Variants in SRGAP3 observed in about 807,000 individuals in gnomAD.
The protein encoded by SRGAP3 is SLIT-ROBO Rho GTPase-activating protein 3.
A neutral mutation model predicts 121.1 loss-of-function variants in SRGAP3; 39 were observed. That is an observed-to-expected ratio of 0.32 (90% CI 0.25 to 0.42). SRGAP3 has a LOEUF of 0.42. SRGAP3 is among the 10% of genes least tolerant of loss of function. The probability of loss-of-function intolerance (pLI) is 1.00; values close to 1 mark genes in which losing one functional copy is unlikely to be tolerated. For missense variants in SRGAP3, 1,213 were observed against 1,470.6 expected (o/e 0.82, Z 2.86); for synonymous variants, 601 against 570.0 (o/e 1.05, Z -0.77).
intron 3 of SRGAP3, among the ~76,000 whole-genome samples, chr3:9,276,768 G>C (rs546511752): frequency 4.6e-5 from 7 of 152,214 alleles, no homozygotes; most frequent in Non-Finnish European, 8.8e-5. Context: ...TTCCAGCCCT[G>C]CTCTAATCTG....
rs1421640794 is a variant in SRGAP3 at position 9,060,362 on chromosome 3, G to A, written c.673-3C>T. The A allele has an allele frequency of 1.9e-6, 3 of 1,612,590 alleles. No individual in the cohort carries two copies. Among genetic ancestry groups the A allele is most frequent in the Non-Finnish European group, 1.7e-6 (2 of 1,179,226 alleles). On this transcript the variant is annotated splice_polypyrimidine_tract_variant and splice_region_variant and intron_variant, in intron 5 of 21. Transcript: ENST00000383836. ...TTCTCAGAGTACTTGGCCTGCCTCT[G>A]GAAGAAGAAAAGAGTAGATGTAAGA...
chr3:9,138,155 A>G (rs1949728788), intron 1 of SRGAP3, among the ~76,000 whole-genome samples: 1 of 152,206 alleles, frequency 6.6e-6, no homozygotes, highest in Admixed American at 6.5e-5. Context: ...AATCTTTCCC[A>G]AACTTCACAG....
chr3:9,251,052 A>G (rs1028456680), upstream of SRGAP3, among the ~76,000 whole-genome samples: 1 of 152,352 alleles, frequency 6.6e-6, no homozygotes, highest in Middle Eastern at 3.4e-3. Flanking sequence ...GTTTGGACTC[A>G]GAAATGAATA....
chr3:9,163,411 C>A (rs1950668507), intron 1 of SRGAP3, among the ~76,000 whole-genome samples: 1 of 152,228 alleles, frequency 6.6e-6, no homozygotes, highest in Admixed American at 6.5e-5. Context: ...GACGGTGCGG[C>A]TCCCTTCACC....
intron 1 of SRGAP3, among the ~76,000 whole-genome samples, chr3:9,143,372 A>C (rs1419950377): frequency 2.0e-5 from 3 of 152,192 alleles, no homozygotes; most frequent in Non-Finnish European, 4.4e-5. Context: ...CAAGAACACA[A>C]CTTAACAGAT....
chr3:9,340,818 G>A (rs573946921), intron 1 of SRGAP3, among the ~76,000 whole-genome samples: 38 of 152,286 alleles, frequency 2.5e-4, no homozygotes, highest in Non-Finnish European at 2.4e-4. Context: ...TCTAAGAAAA[G>A]GCTAGACTAT....
At chr3:9,065,364 G>A (rs949084783) in intron 4 of SRGAP3, 2 of 152,202 alleles carry the variant, frequency 1.3e-5, no homozygotes, top group Non-Finnish European at 2.9e-5. Context: ...TTGACAAACA[G>A]GGAAACTGAG....
At chr3:9,065,942 C>A (rs531565603) in intron 4 of SRGAP3, among the ~76,000 whole-genome samples, 5 of 152,080 alleles carry the variant, frequency 3.3e-5, no homozygotes, top group Admixed American at 1.3e-4. Flanking sequence ...ACTTTTTCTA[C>A]CAGATCATCC....
chr3:9,035,567 GCCTAAGCCTTCCAT>G, intron 11 of SRGAP3: 1 of 183,948 alleles, frequency 5.4e-6, no homozygotes, highest in Non-Finnish European at 1.2e-5. Context: ...AAGTGGGGCA[GCCTAAGCCTTCCAT>G]CTCTTCTGCT....
At chr3:9,315,113 C>T (rs1259049764) in intron 3 of SRGAP3, among the ~76,000 whole-genome samples, 1 of 152,176 alleles carries the variant, frequency 6.6e-6, no homozygotes, top group Non-Finnish European at 1.5e-5. Context: ...ATGACATCAT[C>T]GGGACTATGT....
chr3:9,310,884 A>C (rs1955229418), intron 3 of SRGAP3, among the ~76,000 whole-genome samples: 1 of 152,050 alleles, frequency 6.6e-6, no homozygotes. Flanking sequence ...TAATATATAC[A>C]GTCGGCCAGG....
At chr3:9,140,824 T>C (rs986590371) in intron 1 of SRGAP3, among the ~76,000 whole-genome samples, 5 of 152,230 alleles carry the variant, frequency 3.3e-5, no homozygotes, top group South Asian at 2.1e-4. Flanking sequence ...ACTCCTCTAA[T>C]AAGGGGAGAG....
At chr3:9,039,429 T>C (rs1179931856) in intron 10 of SRGAP3, among the ~76,000 whole-genome samples, 1 of 152,216 alleles carries the variant, frequency 6.6e-6, no homozygotes, top group African/African-American at 2.4e-5. Flanking sequence ...GATCTTACGC[T>C]TCCCTAGAAT....
At chr3:9,181,309 G>A (rs1311816392) in intron 1 of SRGAP3, among the ~76,000 whole-genome samples, 1 of 152,194 alleles carries the variant, frequency 6.6e-6, no homozygotes, top group Non-Finnish European at 1.5e-5. Context: ...TGAAGGGCCA[G>A]CCAAATGGGA....
In SRGAP3 at chr3:9,099,049, C is replaced by T. The variant is rs780633946; in HGVS notation, c.423+5631G>A. Among the ~76,000 whole-genome samples, 61 of 152,068 alleles carry T rather than the reference C, an allele frequency of 4.0e-4. 1 individual carries two copies. The highest frequency in any genetic ancestry group is 4.7e-4 in the Non-Finnish European group (32 of 68,010). Reference sequence around the variant, plus strand: ...ACACTCACTCCACTCTCTCATGCAACCAAAAAATAAAAAATAAACTTGGCT... The same window carrying T: ...ACACTCACTCCACTCTCTCATGCAATCAAAAAATAAAAAATAAACTTGGCT... On this transcript the variant is annotated intron_variant, in intron 3 of 21. Coordinates refer to ENST00000383836, the MANE Select transcript of SRGAP3 (RefSeq NM_014850.4).
intron 4 of SRGAP3, among the ~76,000 whole-genome samples, chr3:9,069,658 G>A (rs181356293): frequency 5.3e-5 from 8 of 152,330 alleles, no homozygotes; most frequent in African/African-American, 1.9e-4. Flanking sequence ...CTCAAAAGTA[G>A]CAAGAGCGGG....
intron 3 of SRGAP3, among the ~76,000 whole-genome samples, chr3:9,082,934 A>G (rs1425314888): frequency 6.6e-6 from 1 of 152,054 alleles, no homozygotes; most frequent in African/African-American, 2.4e-5. Flanking sequence ...GACAGCAGAA[A>G]CCTCGGAGGC....
At chr3:9,283,789 CA>C in intron 3 of SRGAP3, among the ~76,000 whole-genome samples, 1 of 152,198 alleles carries the variant, frequency 6.6e-6, no homozygotes, top group South Asian at 2.1e-4. Context: ...GGGAACCAGG[CA>C]GATATTTAAA....
chr3:9,283,360 T>C (rs960257244), intron 3 of SRGAP3, among the ~76,000 whole-genome samples: 1 of 152,244 alleles, frequency 6.6e-6, no homozygotes, highest in African/African-American at 2.4e-5. Context: ...TTTTTTCTTA[T>C]GCATGATTTT....
Sources: allele counts gnomAD v4.1 joint callset (sites outside exome capture counted in the v4.1 genomes callset), GRCh38; gene constraint gnomAD v4.1.1; transcripts MANE v1.5; gene names NCBI Gene and HGNC (gene_info 2026-07-23, HGNC 2026-07-21).